MYO18B: variants seen among roughly 807,000 people sequenced by gnomAD.
The protein encoded by MYO18B is unconventional myosin-XVIIIb.
Under a neutral mutation model 273.0 loss-of-function variants are expected in MYO18B, and 204 were observed. The ratio of observed to expected loss-of-function variants is 0.75; its 90% CI spans 0.67 to 0.84. The LOEUF is 0.84. Among genes scored for constraint, MYO18B ranks in the 40% least tolerant of loss-of-function variants. The pLI is 0.00. For missense variants in MYO18B, 3,212 were observed against 3,287.6 expected, an observed-to-expected ratio of 0.98 and a Z score of 0.56; for synonymous variants, 1,330 against 1,305.7, an observed-to-expected ratio of 1.02 and a Z score of -0.40.
At chr22:25,770,834 C>T in intron 5 of MYO18B, 38 bp from the exon 6 acceptor site, 1 of 1,464,604 alleles carries the variant, frequency 6.8e-7, no homozygotes, top group South Asian at 1.2e-5. Flanking sequence ...CTCCCATCTC[C>T]TCCCCGTTCC....
chr22:25,804,003 CACACACAT>C lies in MYO18B; in HGVS notation c.2521+5908_2521+5915del, dbSNP rs201666496. On this transcript the variant is annotated intron_variant, in intron 12 of 43. Transcript: ENST00000335473. ...ACACACACACACACACACACACACA[CACACACAT>C]ATTTTATAGAGACTAAACCACAGAG... Among the ~76,000 whole-genome samples the C allele has an allele frequency of 8.8e-3, 1,335 of 151,548 alleles. 7 individuals carry two copies. Among genetic ancestry groups the C allele is most frequent in the Non-Finnish European group, 0.014 (975 of 67,890 alleles).
intron 42 of MYO18B, among the ~76,000 whole-genome samples, chr22:26,014,749 C>T (rs543368587): frequency 6.6e-6 from 1 of 152,260 alleles, no homozygotes; most frequent in Non-Finnish European, 1.5e-5. Flanking sequence ...TAAATAATAG[C>T]CATTCTAACT....
At chr22:25,928,512 T>C (rs2092453300) in intron 34 of MYO18B, among the ~76,000 whole-genome samples, 1 of 151,746 alleles carries the variant, frequency 6.6e-6, no homozygotes, top group South Asian at 2.1e-4. Context: ...CTACAGCATC[T>C]TCTCTCCAGA....
chr22:26,048,253 C>T, the MYO18B span, among the ~76,000 whole-genome samples: 1 of 152,176 alleles, frequency 6.6e-6, no homozygotes, highest in East Asian at 1.9e-4. Flanking sequence ...GAAACAGAAA[C>T]TCAAAATATA....
chr22:25,767,940 G>A (rs946273868), intron 3 of MYO18B, among the ~76,000 whole-genome samples, 175 bp from the exon 4 acceptor site: 1 of 152,200 alleles, frequency 6.6e-6, no homozygotes, highest in African/African-American at 2.4e-5. Flanking sequence ...GAGGGGCTAG[G>A]CCAAGGTCAA....
At chr22:25,792,470 A>C (rs1355615622) in intron 11 of MYO18B, among the ~76,000 whole-genome samples, 2 of 123,864 alleles carry the variant, frequency 1.6e-5, no homozygotes, top group East Asian at 4.9e-4. Flanking sequence ...GCGGGCACCT[A>C]TGTGATGTTT....
intron 39 of MYO18B, among the ~76,000 whole-genome samples, chr22:25,967,353 T>C (rs1208238511): frequency 6.6e-6 from 1 of 152,232 alleles, no homozygotes; most frequent in Non-Finnish European, 1.5e-5. Context: ...GTCTTCATGG[T>C]AGAAAGCTTG....
chr22:25,827,925 C>T lies in MYO18B; in HGVS notation c.2787-851C>T, dbSNP rs62224707. ...GGTGTCTGTCTTGCCAAGAATAAAC[C>T]GACTTCATCTTCATGCATGTCTGTG... On this transcript the variant is annotated intron_variant, in intron 14 of 43. Transcript: ENST00000335473. Among the ~76,000 whole-genome samples, 1,471 of 152,270 alleles carry T rather than the reference C, an allele frequency of 9.7e-3. 16 individuals are homozygous for T. The highest frequency in any genetic ancestry group is 0.015 in the Non-Finnish European group (1,028 of 68,022).
intron 39 of MYO18B, among the ~76,000 whole-genome samples, chr22:25,967,931 A>G (rs889012849): frequency 2.2e-4 from 34 of 152,264 alleles, no homozygotes; most frequent in African/African-American, 8.2e-4. Context: ...GATTATTTAC[A>G]CTATGGAAAC....
intron 31 of MYO18B, among the ~76,000 whole-genome samples, chr22:25,907,171 G>T (rs1284569080): frequency 6.6e-6 from 1 of 152,260 alleles, no homozygotes; most frequent in Non-Finnish European, 1.5e-5. Context: ...ATTCTAACGT[G>T]CCACAAAATT....
intron 7 of MYO18B, among the ~76,000 whole-genome samples, chr22:25,774,817 G>A (rs557456010): frequency 6.6e-6 from 1 of 152,372 alleles, no homozygotes; most frequent in Admixed American, 6.5e-5. Context: ...GTCTGGGTGT[G>A]TGCCTGGGGA....
intron 12 of MYO18B, among the ~76,000 whole-genome samples, chr22:25,817,320 C>A (rs965532289): frequency 4.7e-5 from 7 of 150,160 alleles, no homozygotes; most frequent in African/African-American, 1.7e-4. Flanking sequence ...TTCCCTCCTT[C>A]TTTTCTTTTC....
chr22:25,760,983 G>A lies in MYO18B; in HGVS notation c.-109-1G>A. 1 of 1,216,846 alleles carries A rather than the reference G, an allele frequency of 8.2e-7. No homozygotes were observed. The highest frequency in any genetic ancestry group is 1.2e-6 in the Non-Finnish European group (1 of 829,418). The allele number at this position is 1,216,846 out of a possible 1,614,324, so 75.4% of individuals were successfully genotyped here. ...CTCCCCACTGTGTCCCTGTGTGTCA[G>A]TTCTGTGTCCATCTCATGTGCTGCG... On this transcript the variant is annotated splice_acceptor_variant, in intron 1 of 43. Transcript: ENST00000335473. LOFTEE classifies it low-confidence loss of function (5UTR_SPLICE).
intron 28 of MYO18B, 25 bp downstream of exon 28, chr22:25,895,305 C>T: frequency 6.3e-7 from 1 of 1,578,390 alleles, no homozygotes; most frequent in Admixed American, 1.8e-5. Context: ...TAGTCTGGGC[C>T]ACAGAAGTGT....
Position 25,945,720 on chromosome 22 carries a change from TCCCCTCCCCTCGC to T in MYO18B, c.5518-415_5518-403del, listed in dbSNP as rs1185428259. Among the ~76,000 whole-genome samples the T allele has an allele frequency of 5.8e-3, 54 of 9,278 alleles. 1 individual carries two copies. The highest frequency in any genetic ancestry group is 0.028 in the African/African-American group (52 of 1,884). The allele number at this position is 9,278 out of a possible 152,430, so 6.1% of individuals were successfully genotyped here. On this transcript the variant is annotated intron_variant, in intron 34 of 43. Coordinates refer to ENST00000335473, the MANE Select transcript of MYO18B (RefSeq NM_032608.7). Reference sequence around the variant, plus strand: ...GCCTCCCCTCTCCCCTCGCCTCCCCTCCCCTCCCCTCGCCTCCCCTCGCCTCCCCTCCCCTCCC... The same window carrying T: ...GCCTCCCCTCTCCCCTCGCCTCCCCTCTCCCCTCGCCTCCCCTCCCCTCCC...
At chr22:25,792,770 C>T (rs1005948038) in intron 11 of MYO18B, among the ~76,000 whole-genome samples, 4 of 152,174 alleles carry the variant, frequency 2.6e-5, no homozygotes, top group Non-Finnish European at 4.4e-5. Context: ...GGATTACAGG[C>T]GTGAGATGCA....
intron 21 of MYO18B, among the ~76,000 whole-genome samples, chr22:25,857,763 C>T (rs894241522): frequency 1.4e-4 from 21 of 152,226 alleles, no homozygotes; most frequent in African/African-American, 4.8e-4. Flanking sequence ...AAGTGATTCT[C>T]CTGCCTCAGC....
rs1601550895 is a variant in MYO18B at position 25,910,900 on chromosome 22, A to G, written c.5260-46A>G. On this transcript the variant is annotated intron_variant, in intron 32 of 43. Transcript: ENST00000335473. ...TCCTTGCCTTGTAGGATGTGTCTGG[A>G]TGGAGTTCATTTACCCTGTGATGTT... is the stretch of plus-strand genomic sequence containing the variant. The G allele has an allele frequency of 3.4e-6, 5 of 1,450,846 alleles. No individual in the cohort carries two copies. The East Asian group carries it at 1.2e-4, about 36-fold the overall frequency. The allele number at this position is 1,450,846 out of a possible 1,614,324, so 89.9% of individuals were successfully genotyped here.
At chr22:25,835,585 G>A in intron 17 of MYO18B, 142 bp downstream of exon 17, 3 of 1,024,098 alleles carry the variant, frequency 2.9e-6, no homozygotes, top group Non-Finnish European at 4.3e-6. Flanking sequence ...GCCTGTGTAT[G>A]CTTTCATTCA....
Sources: allele counts gnomAD v4.1 joint callset (sites outside exome capture counted in the v4.1 genomes callset), GRCh38; gene constraint gnomAD v4.1.1; transcripts MANE v1.5; gene names NCBI Gene and HGNC (gene_info 2026-07-23, HGNC 2026-07-21).